Variants in GPAT4 observed in about 807,000 individuals in gnomAD.
GPAT4 encodes the protein 1-AGP acyltransferase 6.
Under a neutral mutation model 58.0 loss-of-function variants are expected in GPAT4, and 17 were observed. That is an observed-to-expected ratio of 0.29 (90% CI 0.20 to 0.44). The LOEUF (loss-of-function observed/expected upper bound fraction) is 0.44. GPAT4 is among the 20% of genes least tolerant of loss of function. The pLI is 1.00. For missense variants in GPAT4, 377 were observed against 574.5 expected, an observed-to-expected ratio of 0.66 and a Z score of 3.51; for synonymous variants, 204 against 210.1, an observed-to-expected ratio of 0.97 and a Z score of 0.25.
rs1232835828 is a variant in GPAT4, at chr8:41,624,182, G to C, written c.*3181G>C. 1 of 152,266 alleles carries C rather than the reference G, an allele frequency of 6.6e-6. No homozygotes were observed. The highest frequency in any genetic ancestry group is 6.5e-5 in the Admixed American group (1 of 15,290). The allele number at this position is 152,266 out of a possible 1,614,324, so 9.4% of individuals were successfully genotyped here. A position where few individuals can be genotyped will look rare whatever the true frequency, so the allele number is the denominator to read the frequency against. On this transcript the variant is annotated 3_prime_UTR_variant, in exon 13 of 13. Transcript: ENST00000396987. The stretch of plus-strand genomic sequence containing the variant: ...AGCTAGTGGGATTCCCTTGACAGCA[G>C]AACCAGCCTTGGGACTTGATGCTTC...
chr8:41,604,734 G>T (rs533856303), intron 2 of GPAT4, among the ~76,000 whole-genome samples: 3 of 152,362 alleles, frequency 2.0e-5, no homozygotes, highest in Non-Finnish European at 2.9e-5. Flanking sequence ...GGTGGAACTT[G>T]TTGGTGGAGA....
At chr8:41,579,816 C>T (rs573571468) in intron 1 of GPAT4, among the ~76,000 whole-genome samples, 2 of 151,490 alleles carry the variant, frequency 1.3e-5, no homozygotes, top group East Asian at 1.9e-4. Context: ...CCAGCCTGGG[C>T]GACAGAGCGA....
At position 41,621,223 on chromosome 8, in the gene GPAT4, C is replaced by A; in HGVS notation, c.*222C>A. ...AACGGATGCTGCTGGGTGTTGCGACCCAGGACGAGATGCCTTGTTTCTTTT... is the reference window on the plus strand; with the variant it reads ...AACGGATGCTGCTGGGTGTTGCGACACAGGACGAGATGCCTTGTTTCTTTT... On this transcript the variant is annotated 3_prime_UTR_variant, in exon 13 of 13. Transcript: ENST00000396987. 1 of 599,010 alleles carries A rather than the reference C, an allele frequency of 1.7e-6. No homozygotes were observed. Among genetic ancestry groups the A allele is most frequent in the Non-Finnish European group, 2.9e-6 (1 of 345,250 alleles). 37.1% of individuals were successfully genotyped at this position (599,010 alleles called of 1,614,324 possible).
At chr8:41,613,788 C>T (rs1020683829) in intron 8 of GPAT4, among the ~76,000 whole-genome samples, 9 of 152,132 alleles carry the variant, frequency 5.9e-5, no homozygotes, top group Admixed American at 2.0e-4. Context: ...TGGTGGTACG[C>T]TTCTGTAGTC....
chr8:41,610,891 C>A, intron 5 of GPAT4, 81 bp downstream of exon 5: 1 of 1,400,906 alleles, frequency 7.1e-7, no homozygotes, highest in Non-Finnish European at 9.7e-7. Context: ...AAGGACACTT[C>A]TTTGGACACA....
At chr8:41,614,014 C>T (rs7822392) in intron 8 of GPAT4, among the ~76,000 whole-genome samples, 84,411 of 152,124 alleles carry the variant, frequency 0.55, 24,041 homozygotes, top group Middle Eastern at 0.71. Context: ...GACAGAGCAT[C>T]GAGCCAGCAG....
At position 41,624,991 on chromosome 8, in the gene GPAT4, A is replaced by AT. The variant is rs1803874843; in HGVS notation, c.*3992dup. ...ATCACTTGTAAGTCAATAAATTTTT[A>AT]TTAAACAGTGTGGCTCTTTGATTTA... On this transcript the variant is annotated 3_prime_UTR_variant, in exon 13 of 13. Transcript: ENST00000396987. 1 of 152,234 alleles carries AT rather than the reference A, an allele frequency of 6.6e-6. No homozygotes were observed. Among genetic ancestry groups the AT allele is most frequent in the African/African-American group, 2.4e-5 (1 of 41,458 alleles). 9.4% of individuals were successfully genotyped at this position (152,234 alleles called of 1,614,324 possible). A position where few individuals can be genotyped will look rare whatever the true frequency, so the allele number is the denominator to read the frequency against.
At chr8:41,611,397 G>C (rs1803439904) in intron 5 of GPAT4, among the ~76,000 whole-genome samples, 1 of 152,344 alleles carries the variant, frequency 6.6e-6, no homozygotes, top group Middle Eastern at 3.4e-3. Flanking sequence ...GATGTTAACA[G>C]ATTTTACAGC....
In GPAT4 at chr8:41,610,167, C is replaced by T. The variant is rs1803400284; in HGVS notation, c.536+212C>T. 5 of 1,389,104 alleles carry T rather than the reference C, an allele frequency of 3.6e-6. No individual in the cohort carries two copies. The East Asian group carries it at 1.3e-4, about 37-fold the overall frequency. The allele number at this position is 1,389,104 out of a possible 1,614,324, so 86.0% of individuals were successfully genotyped here. A position where few individuals can be genotyped will look rare whatever the true frequency, so the allele number is the denominator to read the frequency against. ...ATATCAGACAGAAATAGTTGGATTT[C>T]TTAAAGACAGCTTGCTTCTCTAGAT... On this transcript the variant is annotated intron_variant, in intron 4 of 12. Coordinates refer to ENST00000396987, the MANE Select transcript of GPAT4 (RefSeq NM_178819.4).
At chr8:41,596,693 G>A (rs577687678) in intron 1 of GPAT4, among the ~76,000 whole-genome samples, 3 of 152,352 alleles carry the variant, frequency 2.0e-5, no homozygotes, top group South Asian at 2.1e-4. Context: ...CCACAGGGCA[G>A]GCCTAAGTCA....
Position 41,618,822 on chromosome 8 carries a change from T to C in GPAT4, c.1182+10T>C, listed in dbSNP as rs1305142231. 2 of 1,614,262 alleles carry C rather than the reference T, an allele frequency of 1.2e-6. No homozygotes were observed. The highest frequency in any genetic ancestry group is 1.1e-5 in the South Asian group (1 of 91,084). ...TCCCATGACTAGAGAGGTGAGTGCC[T>C]GCCCCAGGCAGGTCTGCGCCTGCTC... is the stretch of plus-strand genomic sequence containing the variant. On this transcript the variant is annotated intron_variant, in intron 11 of 12. Transcript: ENST00000396987.
At position 41,616,642 on chromosome 8, in the gene GPAT4, G is replaced by A. The variant is rs922872946; in HGVS notation, c.1053+1594G>A. Among the ~76,000 whole-genome samples the A allele has an allele frequency of 3.3e-5, 5 of 152,180 alleles. 1 individual carries two copies. The highest frequency in any genetic ancestry group is 7.3e-5 in the Non-Finnish European group (5 of 68,034). ...GTTCTGGGTGGCATTGATGGTGCCAGTTGGGACCACACTGTGGCGGCCACA... is the reference window on the plus strand; with the variant it reads ...GTTCTGGGTGGCATTGATGGTGCCAATTGGGACCACACTGTGGCGGCCACA... On this transcript the variant is annotated intron_variant, in intron 10 of 12. Transcript: ENST00000396987.
rs781290617 is a variant in GPAT4, at chr8:41,618,840, G to A, written c.1182+28G>A. On this transcript the variant is annotated intron_variant, in intron 11 of 12. Transcript: ENST00000396987. ...GAGTGCCTGCCCCAGGCAGGTCTGC[G>A]CCTGCTCTGTGTAACGTCAAGCCGG... 9.3e-6 allele frequency: 15 copies of A among 1,614,116 alleles called. No individual in the cohort carries two copies. In the East Asian group the frequency reaches 2.0e-4, roughly 22 times the overall value.
chr8:41,582,443 A>C (rs915527903), intron 1 of GPAT4, among the ~76,000 whole-genome samples: 3 of 121,620 alleles, frequency 2.5e-5, no homozygotes, highest in Non-Finnish European at 5.2e-5. Context: ...GTGGGAAAGT[A>C]TACACACACA....
intron 1 of GPAT4, among the ~76,000 whole-genome samples, chr8:41,586,330 G>A (rs1425226743): frequency 6.6e-6 from 1 of 152,176 alleles, no homozygotes; most frequent in African/African-American, 2.4e-5. Flanking sequence ...TGGACATTTT[G>A]GTTGTTTCCG....
At chr8:41,602,692 G>A (rs111867127) in intron 2 of GPAT4, among the ~76,000 whole-genome samples, 17 of 152,278 alleles carry the variant, frequency 1.1e-4, no homozygotes, top group African/African-American at 3.9e-4. Context: ...GTGTTTATGT[G>A]TACCTTTCTT....
In GPAT4 at chr8:41,621,042, A is replaced by G. The variant is rs1300026039; in HGVS notation, c.*41A>G. The G allele has an allele frequency of 5.2e-6, 8 of 1,549,474 alleles. No homozygotes were observed. Among genetic ancestry groups the G allele is most frequent in the East Asian group, 2.4e-5 (1 of 40,904 alleles). ...GCTGGGGCCACCGTGCGGGGTGCCA[A>G]CGGGCTCAGAGCTGGAGTTGCCGCC... On this transcript the variant is annotated 3_prime_UTR_variant, in exon 13 of 13. Transcript: ENST00000396987.
intron 1 of GPAT4, among the ~76,000 whole-genome samples, chr8:41,578,920 G>A (rs373846043): frequency 1.3e-5 from 2 of 152,296 alleles, no homozygotes; most frequent in Admixed American, 6.5e-5. Context: ...GGAGACATAC[G>A]GTGTAGCACG....
At chr8:41,597,936 A>T (rs1802975495) in intron 1 of GPAT4, among the ~76,000 whole-genome samples, 1 of 152,248 alleles carries the variant, frequency 6.6e-6, no homozygotes, top group Non-Finnish European at 1.5e-5. Context: ...CTTTGGCTGC[A>T]TCTGTGCGGA....
Sources: gnomAD v4.1 joint callset for allele counts (sites outside exome capture counted in the v4.1 genomes callset) on GRCh38, gnomAD v4.1.1 for gene constraint, MANE v1.5 for transcripts, NCBI Gene and HGNC (gene_info 2026-07-23, HGNC 2026-07-21) for gene names.